TRIO: variants seen among roughly 807,000 people sequenced by gnomAD.
TRIO encodes the protein triple functional domain protein.
A neutral mutation model predicts 351.9 loss-of-function variants in TRIO; 58 were observed. That is an observed-to-expected ratio of 0.16 (90% CI 0.13 to 0.21). The LOEUF (loss-of-function observed/expected upper bound fraction) is 0.21. TRIO is among the 10% of genes least tolerant of loss of function. TRIO has a pLI of 1.00. For missense variants in TRIO, 3,201 were observed against 4,027.8 expected (o/e 0.79, Z 5.56); for synonymous variants, 1,758 against 1,595.7 (o/e 1.10, Z -2.42).
At chr5:14,350,894 T>TG (rs1367136444) in intron 11 of TRIO, among the ~76,000 whole-genome samples, 1 of 152,028 alleles carries the variant, frequency 6.6e-6, no homozygotes, top group African/African-American at 2.4e-5. Flanking sequence ...GGTTTTAGGG[T>TG]GAAACTGATC....
chr5:14,486,873 C>T (rs747120341), intron 47 of TRIO, among the ~76,000 whole-genome samples: 1 of 152,116 alleles, frequency 6.6e-6, no homozygotes, highest in Non-Finnish European at 1.5e-5. Context: ...GCTGCATCTG[C>T]TTGTCGTATT....
In TRIO at chr5:14,348,045, C is replaced by T. The variant is rs1278916962; in HGVS notation, c.2047-10133C>T. Among the ~76,000 whole-genome samples, 6 of 152,338 alleles carry T rather than the reference C, an allele frequency of 3.9e-5. No homozygotes were observed. In the East Asian group the frequency reaches 5.8e-4, roughly 15 times the overall value. ...ACAATGCTGTCATGCCCCCAAATAA[C>T]TCCTTCCACTGTGGTGACCAAGGGA... On this transcript the variant is annotated intron_variant, in intron 11 of 56. Coordinates refer to ENST00000344204, the MANE Select transcript of TRIO (RefSeq NM_007118.4).
chr5:14,277,955 T>C (rs1735687948), intron 2 of TRIO, among the ~76,000 whole-genome samples: 1 of 152,260 alleles, frequency 6.6e-6, no homozygotes, highest in Admixed American at 6.5e-5. Context: ...AGATTCTTAC[T>C]TCACAAATGA....
rs147746579 is a variant in TRIO at position 14,321,817 on chromosome 5, C to T, written c.1731+5074C>T. On this transcript the variant is annotated intron_variant, in intron 9 of 56. Transcript: ENST00000344204. ...GGGTGGGTCTTCCCTGTACTGTTCT[C>T]GTGATAGTGAATAAGTCTTGTGAAA... Among the ~76,000 whole-genome samples, 1,341 of 152,168 alleles carry T rather than the reference C, an allele frequency of 8.8e-3. 20 individuals are homozygous for T. Among genetic ancestry groups the T allele is most frequent in the African/African-American group, 0.031 (1,276 of 41,520 alleles).
intron 34 of TRIO, among the ~76,000 whole-genome samples, chr5:14,434,098 AT>A (rs1266389851): frequency 1.3e-5 from 2 of 152,216 alleles, no homozygotes; most frequent in Admixed American, 6.5e-5. Flanking sequence ...TGAAGTCCAA[AT>A]TTTAAATATT....
chr5:14,390,114 G>A, intron 25 of TRIO, 117 bp from the exon 26 acceptor site: 1 of 842,390 alleles, frequency 1.2e-6, no homozygotes, highest in South Asian at 1.8e-5. Flanking sequence ...CCCTAGTTAA[G>A]AGCTACATGT....
At chr5:14,432,980 T>TTAG (rs1483218325) in intron 34 of TRIO, among the ~76,000 whole-genome samples, 1 of 152,176 alleles carries the variant, frequency 6.6e-6, no homozygotes, top group Non-Finnish European at 1.5e-5. Context: ...CAGTCAAGAG[T>TTAG]TAGCTACATG....
intron 1 of TRIO, among the ~76,000 whole-genome samples, chr5:14,247,889 A>C (rs1384641850): frequency 1.3e-5 from 2 of 152,094 alleles, no homozygotes; most frequent in East Asian, 3.9e-4. Flanking sequence ...AATATGGTGA[A>C]ACCCCATCTC....
At chr5:14,468,995 A>G (rs1754481069) in intron 37 of TRIO, among the ~76,000 whole-genome samples, 1 of 152,206 alleles carries the variant, frequency 6.6e-6, no homozygotes, top group African/African-American at 2.4e-5. Flanking sequence ...TTTTTCCTGC[A>G]TGTCGGCAAT....
chr5:14,439,798 C>G (rs1441698683), intron 34 of TRIO, among the ~76,000 whole-genome samples: 2 of 152,132 alleles, frequency 1.3e-5, no homozygotes, highest in African/African-American at 2.4e-5. Context: ...AATATGAAGC[C>G]TAACGTGGGC....
intron 5 of TRIO, among the ~76,000 whole-genome samples, chr5:14,291,899 G>A (rs1339404778): frequency 6.7e-6 from 1 of 150,154 alleles, no homozygotes; most frequent in Non-Finnish European, 1.5e-5. Flanking sequence ...GATGAGTAAT[G>A]TGTTAAAAGT....
intron 1 of TRIO, among the ~76,000 whole-genome samples, chr5:14,186,798 G>A (rs545254042): frequency 4.6e-5 from 7 of 151,900 alleles, no homozygotes; most frequent in African/African-American, 1.2e-4. Context: ...GGCTGGTCTC[G>A]TACTCCTGAC....
At chr5:14,347,594 A>G (rs1742541513) in intron 11 of TRIO, among the ~76,000 whole-genome samples, 1 of 152,242 alleles carries the variant, frequency 6.6e-6, no homozygotes, top group Non-Finnish European at 1.5e-5. Context: ...ATTTTTCTTA[A>G]AAATGGGCAA....
intron 1 of TRIO, among the ~76,000 whole-genome samples, chr5:14,185,046 A>G (rs1790022191): frequency 6.6e-6 from 1 of 152,100 alleles, no homozygotes; most frequent in South Asian, 2.1e-4. Context: ...GGATTTCCCT[A>G]AAACTTATGT....
intron 1 of TRIO, among the ~76,000 whole-genome samples, chr5:14,194,256 T>C (rs988724504): frequency 6.6e-6 from 1 of 152,180 alleles, no homozygotes; most frequent in Non-Finnish European, 1.5e-5. Flanking sequence ...TACAACTTGA[T>C]GTCTAAATAT....
At chr5:14,145,543 C>G (rs554159053) in intron 1 of TRIO, among the ~76,000 whole-genome samples, 1 of 151,854 alleles carries the variant, frequency 6.6e-6, no homozygotes, top group Non-Finnish European at 1.5e-5. Flanking sequence ...AGAGCAGCCC[C>G]GTCTTACCTC....
intron 48 of TRIO, 23 bp from the exon 49 acceptor site, chr5:14,492,544 T>C: frequency 6.2e-7 from 1 of 1,610,672 alleles, no homozygotes; most frequent in Non-Finnish European, 8.5e-7. Context: ...TGCCTTTCTC[T>C]GTCTTCATCT....
intron 11 of TRIO, among the ~76,000 whole-genome samples, chr5:14,353,023 G>A (rs1199942043): frequency 6.6e-6 from 1 of 151,976 alleles, no homozygotes; most frequent in East Asian, 1.9e-4. Context: ...TCCTCATACT[G>A]TACTATTTTT....
At chr5:14,470,874 C>G (rs906688580) in intron 37 of TRIO, among the ~76,000 whole-genome samples, 4 of 152,152 alleles carry the variant, frequency 2.6e-5, no homozygotes, top group African/African-American at 9.7e-5. Flanking sequence ...ACATAGTCCA[C>G]CAACAGGGAA....
Sources: gnomAD v4.1 joint callset for allele counts (sites outside exome capture counted in the v4.1 genomes callset) on GRCh38, gnomAD v4.1.1 for gene constraint, MANE v1.5 for transcripts, NCBI Gene and HGNC (gene_info 2026-07-23, HGNC 2026-07-21) for gene names.